PTPRD: variants seen among roughly 807,000 people sequenced by gnomAD.
The protein encoded by PTPRD is protein tyrosine phosphatase receptor type D.
PTPRD carries 34 observed loss-of-function variants against 214.5 expected under a neutral mutation model. The observed-to-expected ratio is 0.16, with a 90% CI of 0.12 to 0.21. The LOEUF (loss-of-function observed/expected upper bound fraction) is 0.21, where lower values mean the gene tolerates loss of function less well. Ranked by LOEUF, PTPRD falls within the 10% of genes least tolerant of loss-of-function variation. The pLI, the probability that PTPRD is intolerant of heterozygous loss-of-function variation, is 1.00. For missense variants in PTPRD, 2,545 were observed against 2,398.7 expected, an observed-to-expected ratio of 1.06 and a Z score of -1.27; for synonymous variants, 1,128 against 845.7, an observed-to-expected ratio of 1.33 and a Z score of -5.79.
chr9:9,173,974 C>G (rs1234712683), intron 10 of PTPRD, among the ~76,000 whole-genome samples: 1 of 151,952 alleles, frequency 6.6e-6, no homozygotes, highest in Non-Finnish European at 1.5e-5. Context: ...TTGCAAATGC[C>G]TCAGAGAATG....
At chr9:9,818,799 C>T (rs187703638) in intron 5 of PTPRD, among the ~76,000 whole-genome samples, 2 of 151,214 alleles carry the variant, frequency 1.3e-5, no homozygotes, top group East Asian at 3.9e-4. Context: ...GCCTGTAATC[C>T]CAGCTACTCG....
At chr9:9,311,778 T>C (rs1959086255) in intron 9 of PTPRD, among the ~76,000 whole-genome samples, 1 of 152,186 alleles carries the variant, frequency 6.6e-6, no homozygotes, top group Non-Finnish European at 1.5e-5. Context: ...CTCCTCTGTT[T>C]GAAAAATCAC....
intron 11 of PTPRD, among the ~76,000 whole-genome samples, chr9:8,805,445 C>T (rs941623408): frequency 2.6e-5 from 4 of 151,368 alleles, no homozygotes; most frequent in Admixed American, 1.3e-4. Context: ...ATACAATAAT[C>T]GTAGTAAGAA....
rs538426652 is a variant in PTPRD at position 9,497,909 on chromosome 9, G to A, written c.-237+76823C>T. 2.6e-5 allele frequency among the ~76,000 whole-genome samples: 4 copies of A among 152,256 alleles called. No individual in the cohort carries two copies. In the East Asian group the frequency reaches 7.7e-4, roughly 29 times the overall value. On this transcript the variant is annotated intron_variant, in intron 8 of 45. Coordinates refer to ENST00000381196, the MANE Select transcript of PTPRD (RefSeq NM_002839.4). ...AGAATCTTCACATATCAGGGCCTCA[G>A]TTTTCTCATCTATAAACTGTGCAGG...
chr9:9,015,123 TAAAC>T (rs915093514), intron 11 of PTPRD, among the ~76,000 whole-genome samples: 2 of 151,852 alleles, frequency 1.3e-5, no homozygotes, highest in African/African-American at 4.8e-5. Flanking sequence ...TTAAAAAAAT[TAAAC>T]AATCAATCAA....
chr9:9,806,377 C>A (rs147766779), intron 5 of PTPRD, among the ~76,000 whole-genome samples: 1 of 152,088 alleles, frequency 6.6e-6, no homozygotes, highest in East Asian at 1.9e-4. Context: ...TTATGACATT[C>A]CCCCGCCTTT....
chr9:8,507,291 A>G lies in PTPRD; in HGVS notation c.1677+10T>C, dbSNP rs368419744. On this transcript the variant is annotated intron_variant, in intron 22 of 45. Coordinates refer to ENST00000381196, the MANE Select transcript of PTPRD (RefSeq NM_002839.4). ...AATAATTCCCAAGGTGAGAAGCACT[A>G]TAGTCTTACCTCCTCTCCATGCTCC... 9 of 1,613,002 alleles carry G rather than the reference A, an allele frequency of 5.6e-6. No individual in the cohort carries two copies. In the Admixed American group the frequency reaches 8.4e-5, roughly 15 times the overall value.
At chr9:10,228,577 T>A (rs1250838653) in intron 3 of PTPRD, among the ~76,000 whole-genome samples, 1 of 151,858 alleles carries the variant, frequency 6.6e-6, no homozygotes, top group African/African-American at 2.4e-5. Flanking sequence ...ACAGTAAATA[T>A]TTGCCATCAG....
chr9:8,386,418 G>T (rs989815), intron 37 of PTPRD, among the ~76,000 whole-genome samples: 1 of 152,040 alleles, frequency 6.6e-6, no homozygotes, highest in African/African-American at 2.4e-5. Context: ...GCATTTACAA[G>T]ACGCACACAT....
In PTPRD at chr9:9,872,169, G is replaced by C. The variant is rs144584892; in HGVS notation, c.-368+66338C>G. 4.9e-4 allele frequency among the ~76,000 whole-genome samples: 74 copies of C among 152,214 alleles called. 1 individual carries two copies. Among genetic ancestry groups the C allele is most frequent in the Admixed American group, 4.4e-3 (67 of 15,282 alleles). On this transcript the variant is annotated intron_variant, in intron 5 of 45. Coordinates refer to ENST00000381196, the MANE Select transcript of PTPRD (RefSeq NM_002839.4). Reference sequence around the variant, plus strand: ...AATCACCATGTTCCCATAAACGAAAGGTATCATTTCCTGTGTCTAACTTAG... The same window carrying C: ...AATCACCATGTTCCCATAAACGAAACGTATCATTTCCTGTGTCTAACTTAG...
chr9:10,293,039 CA>C (rs1276822318), intron 3 of PTPRD, among the ~76,000 whole-genome samples: 4 of 151,734 alleles, frequency 2.6e-5, no homozygotes, highest in African/African-American at 9.7e-5. Flanking sequence ...ACATATAAAG[CA>C]AAGAATAGGA....
intron 12 of PTPRD, among the ~76,000 whole-genome samples, chr9:8,682,764 A>T (rs1016529634): frequency 6.6e-6 from 1 of 152,172 alleles, no homozygotes; most frequent in African/African-American, 2.4e-5. Context: ...ATTTAGTAAT[A>T]CTAATTACAT....
chr9:8,572,868 A>C (rs1272464959), intron 14 of PTPRD, among the ~76,000 whole-genome samples: 3 of 152,042 alleles, frequency 2.0e-5, no homozygotes, highest in Non-Finnish European at 4.4e-5. Flanking sequence ...CTATTTTCAC[A>C]TATATCCTAA....
At chr9:8,894,741 C>T (rs766685695) in intron 11 of PTPRD, among the ~76,000 whole-genome samples, 8 of 152,030 alleles carry the variant, frequency 5.3e-5, no homozygotes, top group African/African-American at 1.2e-4. Flanking sequence ...TGGGGTAAAA[C>T]GGCGTATTAA....
chr9:9,074,916 A>G (rs2099748839), intron 10 of PTPRD, among the ~76,000 whole-genome samples: 1 of 151,990 alleles, frequency 6.6e-6, no homozygotes, highest in Non-Finnish European at 1.5e-5. Flanking sequence ...CAAAAAAAAA[A>G]AAGTCCTATA....
chr9:10,160,922 T>C (rs1055280487), intron 3 of PTPRD, among the ~76,000 whole-genome samples: 1 of 151,864 alleles, frequency 6.6e-6, no homozygotes, highest in African/African-American at 2.4e-5. Flanking sequence ...ATATAATTCT[T>C]CAGTTAACAA....
At chr9:8,382,732 T>C (rs932755320) in intron 37 of PTPRD, among the ~76,000 whole-genome samples, 3 of 152,204 alleles carry the variant, frequency 2.0e-5, no homozygotes, top group African/African-American at 7.2e-5. Context: ...TTACATTAAG[T>C]ATCCACCACT....
intron 43 of PTPRD, among the ~76,000 whole-genome samples, chr9:8,337,574 G>A (rs1848195101): frequency 1.3e-5 from 2 of 151,750 alleles, no homozygotes. Context: ...TGCATGTTCT[G>A]CACATGTATT....
intron 7 of PTPRD, among the ~76,000 whole-genome samples, chr9:9,722,909 G>C (rs1210704157): frequency 6.6e-6 from 1 of 151,986 alleles, no homozygotes; most frequent in African/African-American, 2.4e-5. Flanking sequence ...TTATGTTTGA[G>C]TTGAGCTCTT....
Sources: gnomAD v4.1 joint callset for allele counts (sites outside exome capture counted in the v4.1 genomes callset) on GRCh38, gnomAD v4.1.1 for gene constraint, MANE v1.5 for transcripts, NCBI Gene and HGNC (gene_info 2026-07-23, HGNC 2026-07-21) for gene names.